Variants in SCN4B observed in about 807,000 individuals in gnomAD.
The protein encoded by SCN4B is sodium channel regulatory subunit beta-4.
SCN4B carries 20 observed loss-of-function variants against 19.6 expected under a neutral mutation model. The observed-to-expected ratio is 1.02, with a 90% confidence interval of 0.72 to 1.48. SCN4B has a LOEUF of 1.48. Ranked by LOEUF, SCN4B falls within the 40% of genes most tolerant of loss-of-function variation. The pLI is 0.00. For synonymous variants in SCN4B, 127 were observed against 122.8 expected, an observed-to-expected ratio of 1.03 and a Z score of -0.22; for missense variants, 271 against 287.5, an observed-to-expected ratio of 0.94 and a Z score of 0.42.
rs180746143 is a variant in SCN4B, at chr11:118,134,318, G to C, written c.*2709C>G. 2.2e-6 allele frequency: 1 copy of C among 454,114 alleles called. No individual in the cohort carries two copies. Among genetic ancestry groups the C allele is most frequent in the Non-Finnish European group, 4.4e-6 (1 of 226,796 alleles). 28.1% of individuals were successfully genotyped at this position (454,114 alleles called of 1,614,324 possible). A position where few individuals can be genotyped will look rare whatever the true frequency, so the allele number is the denominator to read the frequency against. On this transcript the variant is annotated 3_prime_UTR_variant, in exon 5 of 5. Transcript: ENST00000324727. ...GCATGTGGCCAGGTCTCTCAAGATC[G>C]ACTTTGTAAGTGGCTCTCTCTAGCC... is the stretch of plus-strand genomic sequence containing the variant.
In SCN4B at chr11:118,136,424, G is replaced by A. The variant is rs1044747304; in HGVS notation, c.*603C>T. ...GGCTTAAAAACTCTGAGCAGGGGAG[G>A]GGATAGGCAGATAGGGTCCCGGGGC... On this transcript the variant is annotated 3_prime_UTR_variant, in exon 5 of 5. Coordinates refer to ENST00000324727, the MANE Select transcript of SCN4B (RefSeq NM_174934.4). 4.4e-6 allele frequency: 2 copies of A among 453,806 alleles called. No homozygotes were observed. The highest frequency in any genetic ancestry group is 2.4e-5 in the Admixed American group (1 of 42,550). 28.1% of individuals were successfully genotyped at this position (453,806 alleles called of 1,614,324 possible). A position where few individuals can be genotyped will look rare whatever the true frequency, so the allele number is the denominator to read the frequency against.
chr11:118,149,411 A>G (rs1948214513), intron 1 of SCN4B, among the ~76,000 whole-genome samples: 1 of 152,312 alleles, frequency 6.6e-6, no homozygotes, highest in South Asian at 2.1e-4. Flanking sequence ...GAAAGGCTCA[A>G]AGTTAGAGCT....
intron 4 of SCN4B, among the ~76,000 whole-genome samples, chr11:118,138,719 G>A (rs550898549): frequency 6.6e-6 from 1 of 152,140 alleles, no homozygotes; most frequent in African/African-American, 2.4e-5. Flanking sequence ...AGGAAGGAGG[G>A]ACCCAACCTA....
rs1948209293 is a variant in SCN4B at position 118,148,903 on chromosome 11, T to TG, written c.62-3675dup. ...GTGTACGTGTGTGTGTGTGTGAGAG[T>TG]GGGGGGCCTCTTTCCGGCATTGTGG... On this transcript the variant is annotated intron_variant, in intron 1 of 4. Coordinates refer to ENST00000324727, the MANE Select transcript of SCN4B (RefSeq NM_174934.4). The surrounding 1 kb of genome is among the most constrained non-coding windows in gnomAD (Gnocchi z 4.0). 1.3e-5 allele frequency among the ~76,000 whole-genome samples: 2 copies of TG among 151,726 alleles called. No homozygotes were observed. The highest frequency in any genetic ancestry group is 2.4e-5 in the African/African-American group (1 of 41,262).
At position 118,133,530 on chromosome 11, in the gene SCN4B, C is replaced by T. The variant is rs760330337; in HGVS notation, c.*3497G>A. ...GGCATCTGCGCCTCCCAGAGGCACT[C>T]GCACACCTGAGGCCTCCCAAGGCCT... is the stretch of plus-strand genomic sequence containing the variant. On this transcript the variant is annotated 3_prime_UTR_variant, in exon 5 of 5. Coordinates refer to ENST00000324727, the MANE Select transcript of SCN4B (RefSeq NM_174934.4). 3.7e-5 allele frequency: 17 copies of T among 454,178 alleles called. No homozygotes were observed. The highest frequency in any genetic ancestry group is 6.9e-5 in the East Asian group (1 of 14,410). 28.1% of individuals were successfully genotyped at this position (454,178 alleles called of 1,614,324 possible).
rs1947998080 is a variant in SCN4B at position 118,136,092 on chromosome 11, A to AGAAGC, written c.*934_*935insGCTTC. 4.7e-6 allele frequency: 2 copies of AGAAGC among 426,096 alleles called. No homozygotes were observed. The highest frequency in any genetic ancestry group is 1.6e-5 in the South Asian group (1 of 62,846). 26.4% of individuals were successfully genotyped at this position (426,096 alleles called of 1,614,324 possible). ...TGGAGGGTGCAGCCTCTCAGGTAGGAGGGGGAGAAGCAGGGGAGAGCTGGG... is the reference window on the plus strand; with the variant it reads ...TGGAGGGTGCAGCCTCTCAGGTAGGAGAAGCGGGGGAGAAGCAGGGGAGAGCTGGG... On this transcript the variant is annotated 3_prime_UTR_variant, in exon 5 of 5. Coordinates refer to ENST00000324727, the MANE Select transcript of SCN4B (RefSeq NM_174934.4).
rs1256141512 is a variant in SCN4B, at chr11:118,135,197, G to A, written c.*1830C>T. 1 of 454,032 alleles carries A rather than the reference G, an allele frequency of 2.2e-6. No homozygotes were observed. Among genetic ancestry groups the A allele is most frequent in the South Asian group, 1.6e-5 (1 of 64,478 alleles). The allele number at this position is 454,032 out of a possible 1,614,324, so 28.1% of individuals were successfully genotyped here. A position where few individuals can be genotyped will look rare whatever the true frequency, so the allele number is the denominator to read the frequency against. Reference sequence around the variant, plus strand: ...CCCATGACAGGTTCTGGGTAGAGAAGAATGGGAGGCGCACAGGCAGATCAG... The same window carrying A: ...CCCATGACAGGTTCTGGGTAGAGAAAAATGGGAGGCGCACAGGCAGATCAG... On this transcript the variant is annotated 3_prime_UTR_variant, in exon 5 of 5. Transcript: ENST00000324727.
Position 118,136,605 on chromosome 11 carries a change from C to G in SCN4B, c.*422G>C, listed in dbSNP as rs1221248477. ...CTCCCACCTCCAAAGGAAGCCACTT[C>G]TTCCTACACCCCATCTCCAGGGTGC... On this transcript the variant is annotated 3_prime_UTR_variant, in exon 5 of 5. Coordinates refer to ENST00000324727, the MANE Select transcript of SCN4B (RefSeq NM_174934.4). 1 of 455,130 alleles carries G rather than the reference C, an allele frequency of 2.2e-6. No individual in the cohort carries two copies. The highest frequency in any genetic ancestry group is 2.3e-5 in the Admixed American group (1 of 42,580). 28.2% of individuals were successfully genotyped at this position (455,130 alleles called of 1,614,324 possible).
chr11:118,139,888 C>CTTTTTTTTTT, intron 4 of SCN4B, among the ~76,000 whole-genome samples: 1 of 139,740 alleles, frequency 7.2e-6, no homozygotes. Flanking sequence ...TCTAGCATTC[C>CTTTTTTTTTT]TTTTTTTTTT....
chr11:118,137,071 A>G lies in SCN4B; in HGVS notation c.643T>C (p.Leu215=), dbSNP rs779070050. The change falls in exon 5 of 5, where the codon TTG becomes CTG. Residue 215 remains leucine, a synonymous_variant. Transcript: ENST00000324727. The part of the protein sequence containing the change: ...SSGNDNTENG[L]PGSKAEEKPP... ...TTCTCCTCTGCCTTGGAGCCAGGCAAGCCGTTCTCCGTGTTGTCATTCCCC... is the reference window on the plus strand; with the variant it reads ...TTCTCCTCTGCCTTGGAGCCAGGCAGGCCGTTCTCCGTGTTGTCATTCCCC... 4 of 1,614,162 alleles carry G rather than the reference A, an allele frequency of 2.5e-6. No individual in the cohort carries two copies. The highest frequency in any genetic ancestry group is 2.5e-6 in the Non-Finnish European group (3 of 1,179,986).
At chr11:118,137,690 G>T (rs191985401) in intron 4 of SCN4B, among the ~76,000 whole-genome samples, 1 of 152,150 alleles carries the variant, frequency 6.6e-6, no homozygotes, top group African/African-American at 2.4e-5. Flanking sequence ...AAAAAAGAAA[G>T]TTCTCAATAA....
At chr11:118,143,039 G>A (rs1289690393) in intron 3 of SCN4B, among the ~76,000 whole-genome samples, 1 of 152,180 alleles carries the variant, frequency 6.6e-6, no homozygotes, top group African/African-American at 2.4e-5. Flanking sequence ...CACACAAAAT[G>A]CAGCAGAGTC....
intron 1 of SCN4B, among the ~76,000 whole-genome samples, chr11:118,151,747 A>T (rs1369515990): frequency 6.6e-6 from 1 of 152,236 alleles, no homozygotes; most frequent in Non-Finnish European, 1.5e-5. Flanking sequence ...GTTGCCAGAG[A>T]TGGAGTCGGC....
At chr11:118,146,127 C>A (rs1426692653) in intron 1 of SCN4B, among the ~76,000 whole-genome samples, 2 of 151,958 alleles carry the variant, frequency 1.3e-5, no homozygotes, top group South Asian at 2.1e-4. Context: ...TGCAGCCCGG[C>A]CTTCTCGCCA....
At chr11:118,137,937 G>C (rs1948040831) in intron 4 of SCN4B, among the ~76,000 whole-genome samples, 1 of 152,216 alleles carries the variant, frequency 6.6e-6, no homozygotes, top group Non-Finnish European at 1.5e-5. Context: ...AGAGCAGGCA[G>C]TGGGTTTGGC....
At chr11:118,146,366 A>C (rs142912997) in intron 1 of SCN4B, among the ~76,000 whole-genome samples, 2 of 150,854 alleles carry the variant, frequency 1.3e-5, no homozygotes, top group South Asian at 2.1e-4. Context: ...CACTCGCCTC[A>C]AGGTCGGTGG....
Position 118,136,037 on chromosome 11 carries a change from T to TGGGG in SCN4B, c.*986_*989dup, listed in dbSNP as rs5795117. Reference sequence around the variant, plus strand: ...GGGCAGGGCGTGATGGAGGGCACGGTGGGGGGGGGGGAGCGAGCCAATGGG... The same window carrying TGGGG: ...GGGCAGGGCGTGATGGAGGGCACGGTGGGGGGGGGGGGGGGAGCGAGCCAATGGG... On this transcript the variant is annotated 3_prime_UTR_variant, in exon 5 of 5. Coordinates refer to ENST00000324727, the MANE Select transcript of SCN4B (RefSeq NM_174934.4). 4.4e-4 allele frequency: 158 copies of TGGGG among 363,100 alleles called. 3 individuals are homozygous for TGGGG. Among genetic ancestry groups the TGGGG allele is most frequent in the East Asian group, 3.0e-3 (37 of 12,150 alleles). 22.5% of individuals were successfully genotyped at this position (363,100 alleles called of 1,614,324 possible). A position where few individuals can be genotyped will look rare whatever the true frequency, so the allele number is the denominator to read the frequency against.
intron 4 of SCN4B, among the ~76,000 whole-genome samples, chr11:118,137,657 C>A (rs1268062525): frequency 6.6e-6 from 1 of 152,100 alleles, no homozygotes; most frequent in South Asian, 2.1e-4. Context: ...GGCAACAGAG[C>A]GAGACTCTGT....
chr11:118,147,149 C>T (rs1464952590), intron 1 of SCN4B, among the ~76,000 whole-genome samples: 8 of 152,152 alleles, frequency 5.3e-5, no homozygotes, highest in African/African-American at 7.2e-5. Flanking sequence ...TTGAGAACCA[C>T]GGTGCGAGAG....
Sources: allele counts gnomAD v4.1 joint callset (sites outside exome capture counted in the v4.1 genomes callset), GRCh38; gene constraint gnomAD v4.1.1; non-coding constraint Gnocchi (gnomAD v3.1); transcripts MANE v1.5; gene names NCBI Gene and HGNC (gene_info 2026-07-23, HGNC 2026-07-21).